The following PROSER2 variants were observed in gnomAD, a reference collection of about 807,000 sequenced individuals.
The protein encoded by PROSER2 is proline and serine rich 2, also known as proline and serine-rich protein 2.
PROSER2 carries 18 observed loss-of-function variants against 14.6 expected under a neutral mutation model. The ratio of observed to expected loss-of-function variants is 1.23; its 90% CI spans 0.85 to 1.83. PROSER2 has a LOEUF of 1.83. PROSER2 is among the 40% of genes most tolerant of loss of function. The probability of loss-of-function intolerance (pLI) is 0.00; values close to 1 mark genes in which losing one functional copy is unlikely to be tolerated. For missense variants in PROSER2, 823 were observed against 629.8 expected, an observed-to-expected ratio of 1.31 and a Z score of -3.28; for synonymous variants, 367 against 286.4, an observed-to-expected ratio of 1.28 and a Z score of -2.84.
At chr10:11,840,957 T>C (rs938544379) in intron 1 of PROSER2, among the ~76,000 whole-genome samples, 2 of 25,982 alleles carry the variant, frequency 7.7e-5, no homozygotes, top group Non-Finnish European at 1.4e-4. Flanking sequence ...AAAAAAAAAA[T>C]ATATATATAT....
Position 11,869,436 on chromosome 10 carries a change from T to G in PROSER2, c.392-54T>G. On this transcript the variant is annotated intron_variant, in intron 3 of 3. Coordinates refer to ENST00000277570, the MANE Select transcript of PROSER2 (RefSeq NM_153256.4). The surrounding 1 kb of genome is among the most constrained non-coding windows in gnomAD (Gnocchi z 4.4). The stretch of plus-strand genomic sequence containing the variant: ...TTCAGTTCAGCGAGAGGGAACTTCA[T>G]GCATTTACTTTCACGTGGGCCGGTG... 7.5e-7 allele frequency: 1 copy of G among 1,340,250 alleles called. No individual in the cohort carries two copies. Among genetic ancestry groups the G allele is most frequent in the Non-Finnish European group, 1.1e-6 (1 of 933,432 alleles). 83.0% of individuals were successfully genotyped at this position (1,340,250 alleles called of 1,614,324 possible).
At position 11,851,990 on chromosome 10, in the gene PROSER2, TC is replaced by T; in HGVS notation, c.-81-6del. On this transcript the variant is annotated splice_polypyrimidine_tract_variant and splice_region_variant and intron_variant, in intron 1 of 3. Coordinates refer to ENST00000277570, the MANE Select transcript of PROSER2 (RefSeq NM_153256.4). The stretch of plus-strand genomic sequence containing the variant: ...TGACCATTGTCATTCGTGTTTGGTG[TC>T]TCTAGGAGTGAGCTGTTGCCGCAGA... 1 of 1,347,476 alleles carries T rather than the reference TC, an allele frequency of 7.4e-7. No individual in the cohort carries two copies. The highest frequency in any genetic ancestry group is 9.7e-7 in the Non-Finnish European group (1 of 1,031,864). The allele number at this position is 1,347,476 out of a possible 1,614,324, so 83.5% of individuals were successfully genotyped here. A position where few individuals can be genotyped will look rare whatever the true frequency, so the allele number is the denominator to read the frequency against.
chr10:11,835,146 G>A (rs191539027), intron 1 of PROSER2, among the ~76,000 whole-genome samples: 3 of 151,486 alleles, frequency 2.0e-5, no homozygotes, highest in African/African-American at 4.9e-5. Flanking sequence ...AGAAGTGTTA[G>A]TTATTGCAAT....
chr10:11,855,900 A>C (rs975603504), intron 2 of PROSER2, among the ~76,000 whole-genome samples: 3 of 152,182 alleles, frequency 2.0e-5, no homozygotes, highest in African/African-American at 7.2e-5. Context: ...GTGAACATGA[A>C]GTTTTTATTT....
intron 1 of PROSER2, chr10:11,850,422 G>A (rs1024243703): frequency 3.9e-5 from 6 of 152,272 alleles, no homozygotes; most frequent in African/African-American, 7.2e-5. Flanking sequence ...AGATGATGGC[G>A]GGATGGGAAA....
At chr10:11,853,404 A>G (rs1834065892) in intron 2 of PROSER2, among the ~76,000 whole-genome samples, 1 of 152,222 alleles carries the variant, frequency 6.6e-6, no homozygotes, top group African/African-American at 2.4e-5. Context: ...CCTGGCCAAC[A>G]TGGTGAAACC....
rs1173549107 is a variant in PROSER2, at chr10:11,837,056, T to C, written c.-82+13586T>C. 1.3e-5 allele frequency among the ~76,000 whole-genome samples: 2 copies of C among 152,302 alleles called. No individual in the cohort carries two copies. Among genetic ancestry groups the C allele is most frequent in the South Asian group, 2.1e-4 (1 of 4,830 alleles). On this transcript the variant is annotated intron_variant, in intron 1 of 3. Coordinates refer to ENST00000277570, the MANE Select transcript of PROSER2 (RefSeq NM_153256.4). This position sits in a 1 kb window ranked among gnomAD's most constrained non-coding sequence, Gnocchi z 4.6. ...TAGCCAACTCAGTTCTCAGATCAGC[T>C]GTCTATGTGGCCGTGCTTATGTTCA...
chr10:11,855,473 CAAAAAAAA>C (rs71380787), intron 2 of PROSER2, among the ~76,000 whole-genome samples: 34 of 102,638 alleles, frequency 3.3e-4, no homozygotes, highest in African/African-American at 1.3e-3. Context: ...GACTCCATCT[CAAAAAAAA>C]AAAAAAAAAG....
At chr10:11,848,913 G>A (rs1833968789) in intron 1 of PROSER2, among the ~76,000 whole-genome samples, 1 of 152,224 alleles carries the variant, frequency 6.6e-6, no homozygotes, top group South Asian at 2.1e-4. Flanking sequence ...AACAAGCCAG[G>A]TGTGGTGGCT....
intron 2 of PROSER2, among the ~76,000 whole-genome samples, chr10:11,858,251 G>A (rs574640150): frequency 6.5e-4 from 99 of 152,258 alleles, no homozygotes; most frequent in African/African-American, 1.3e-3. Flanking sequence ...TTTTTAGGTA[G>A]GGGTTACTTC....
In PROSER2 at chr10:11,823,762, CAG is replaced by C. The variant is rs1471957332; in HGVS notation, c.-82+293_-82+294del. ...CGAGTCTGGGGCTATCCTGGGGGCT[CAG>C]GGGTGGAGGCGGGTTTCCCAGCCTT... On this transcript the variant is annotated intron_variant, in intron 1 of 3. Coordinates refer to ENST00000277570, the MANE Select transcript of PROSER2 (RefSeq NM_153256.4). The surrounding 1 kb of genome is among the most constrained non-coding windows in gnomAD (Gnocchi z 6.2). 6.6e-6 allele frequency among the ~76,000 whole-genome samples: 1 copy of C among 152,106 alleles called. No homozygotes were observed. Among genetic ancestry groups the C allele is most frequent in the Non-Finnish European group, 1.5e-5 (1 of 67,996 alleles).
At chr10:11,852,926 CA>C (rs1834055443) in intron 2 of PROSER2, among the ~76,000 whole-genome samples, 1 of 152,134 alleles carries the variant, frequency 6.6e-6, no homozygotes, top group Non-Finnish European at 1.5e-5. Context: ...TCTCAGAATC[CA>C]GACCTTTGCA....
intron 1 of PROSER2, among the ~76,000 whole-genome samples, chr10:11,845,963 CTTCA>C (rs1017152504): frequency 5.3e-5 from 8 of 152,182 alleles, no homozygotes; most frequent in South Asian, 2.1e-4. Context: ...TTAAACATTA[CTTCA>C]TTCATTCATT....
chr10:11,828,340 C>T (rs1833643306), intron 1 of PROSER2, among the ~76,000 whole-genome samples: 1 of 150,730 alleles, frequency 6.6e-6, no homozygotes, highest in Non-Finnish European at 1.5e-5. Context: ...TTGTACTAGA[C>T]TATAAACAGG....
At chr10:11,825,595 CTCTG>C (rs2131040894) in intron 1 of PROSER2, among the ~76,000 whole-genome samples, 1 of 152,342 alleles carries the variant, frequency 6.6e-6, no homozygotes, top group South Asian at 2.1e-4. Context: ...CATCAACAGC[CTCTG>C]TCTGCGGAAC....
chr10:11,843,086 G>T (rs147495972), intron 1 of PROSER2, among the ~76,000 whole-genome samples: 20,554 of 149,746 alleles, frequency 0.14, 2,180 homozygotes, highest in African/African-American at 0.3. Flanking sequence ...GATTACAGGC[G>T]CCCGCCACCA....
At chr10:11,845,924 A>G (rs532367706) in intron 1 of PROSER2, among the ~76,000 whole-genome samples, 1 of 152,192 alleles carries the variant, frequency 6.6e-6, no homozygotes, top group Non-Finnish European at 1.5e-5. Flanking sequence ...TCTTTCATCC[A>G]TTGTGAAACA....
At chr10:11,848,514 T>A (rs72768237) in intron 1 of PROSER2, among the ~76,000 whole-genome samples, 1 of 152,110 alleles carries the variant, frequency 6.6e-6, no homozygotes, top group Non-Finnish European at 1.5e-5. Flanking sequence ...ATGTGTGGTG[T>A]TCAGTTAGCC....
In PROSER2 at chr10:11,871,835, A is replaced by G. The variant is rs1013064348; in HGVS notation, c.*1429A>G. On this transcript the variant is annotated 3_prime_UTR_variant, in exon 4 of 4. Transcript: ENST00000277570. Reference sequence around the variant, plus strand: ...AAATTCAGGCTTAAATGTGCTATGAAGGGCATTTTTCATAGTATCCCATTT... The same window carrying G: ...AAATTCAGGCTTAAATGTGCTATGAGGGGCATTTTTCATAGTATCCCATTT... The G allele has an allele frequency of 1.3e-5, 2 of 152,238 alleles. No homozygotes were observed. The highest frequency in any genetic ancestry group is 2.9e-5 in the Non-Finnish European group (2 of 68,038). 9.4% of individuals were successfully genotyped at this position (152,238 alleles called of 1,614,324 possible).
Sources: gnomAD v4.1 joint callset for allele counts (sites outside exome capture counted in the v4.1 genomes callset) on GRCh38, gnomAD v4.1.1 for gene constraint, Gnocchi (gnomAD v3.1) non-coding constraint, MANE v1.5 for transcripts, NCBI Gene and HGNC (gene_info 2026-07-23, HGNC 2026-07-21) for gene names.